Variants in PTPRG observed in about 807,000 individuals in gnomAD.
PTPRG encodes the protein protein tyrosine phosphatase receptor type G.
Under a neutral mutation model 165.3 loss-of-function variants are expected in PTPRG, and 102 were observed. The ratio of observed to expected loss-of-function variants is 0.62; its 90% CI spans 0.53 to 0.73. The LOEUF is 0.73. Among genes scored for constraint, PTPRG ranks in the 30% least tolerant of loss-of-function variants. The pLI, the probability that PTPRG is intolerant of heterozygous loss-of-function variation, is 0.00. For missense variants in PTPRG, 1,866 were observed against 1,861.4 expected, an observed-to-expected ratio of 1.00 and a Z score of -0.05; for synonymous variants, 675 against 669.5, an observed-to-expected ratio of 1.01 and a Z score of -0.13.
At chr3:61,662,609 C>T (rs142622662) in intron 1 of PTPRG, among the ~76,000 whole-genome samples, 2,955 of 152,254 alleles carry the variant, frequency 0.019, 62 homozygotes, top group South Asian at 0.079. Context: ...AGTAATAGAT[C>T]ACTAATGCAC....
At chr3:61,796,229 G>A (rs565501852) in intron 2 of PTPRG, among the ~76,000 whole-genome samples, 41 of 152,334 alleles carry the variant, frequency 2.7e-4, no homozygotes, top group African/African-American at 9.9e-4. Context: ...GGTAGGTGGT[G>A]TTAATCCATT....
At chr3:62,197,471 T>A (rs1320026359) in intron 10 of PTPRG, among the ~76,000 whole-genome samples, 1 of 152,174 alleles carries the variant, frequency 6.6e-6, no homozygotes, top group African/African-American at 2.4e-5. Context: ...CATAGCTGCA[T>A]TTTTTTCCAT....
rs922221885 is a variant in PTPRG, at chr3:62,132,677, G to A, written c.682+9G>A. 3.1e-6 allele frequency: 5 copies of A among 1,598,248 alleles called. No homozygotes were observed. In the African/African-American group the frequency reaches 6.7e-5, roughly 21 times the overall value. ...GGGTGTCGTACATCATGGTAAGTAT[G>A]CCACATACACTTCCTTTTGCTGGGA... On this transcript the variant is annotated intron_variant, in intron 6 of 29. Coordinates refer to ENST00000474889, the MANE Select transcript of PTPRG (RefSeq NM_002841.4).
chr3:61,604,345 G>C (rs1003430571), intron 1 of PTPRG, among the ~76,000 whole-genome samples: 6 of 151,936 alleles, frequency 3.9e-5, no homozygotes, highest in African/African-American at 1.4e-4. Context: ...ATAAAAAATA[G>C]AACTTTAACA....
In PTPRG at chr3:61,908,121, TAAAAAAAAAAAAAAAA is replaced by T. The variant is rs1183592777; in HGVS notation, c.191-81491_191-81476del. Among the ~76,000 whole-genome samples the T allele has an allele frequency of 8.0e-3, 535 of 67,194 alleles. 5 individuals are homozygous for T. Among genetic ancestry groups the T allele is most frequent in the African/African-American group, 0.028 (507 of 17,956 alleles). 44.1% of individuals were successfully genotyped at this position (67,194 alleles called of 152,430 possible). Reference sequence around the variant, plus strand: ...GCGACAGAACAAGACCACCTCTCTTTAAAAAAAAAAAAAAAAAAAAAAAAAAAATCGGCCGGGCTCA... The same window carrying T: ...GCGACAGAACAAGACCACCTCTCTTTAAAAAAAAAAAATCGGCCGGGCTCA... On this transcript the variant is annotated intron_variant, in intron 2 of 29. Transcript: ENST00000474889.
intron 1 of PTPRG, among the ~76,000 whole-genome samples, chr3:61,618,688 C>T (rs1701367872): frequency 6.6e-6 from 1 of 152,124 alleles, no homozygotes; most frequent in Non-Finnish European, 1.5e-5. Flanking sequence ...AGAAATTTTT[C>T]TTAAGGCCTT....
chr3:62,041,749 TGTGATGGTG>T (rs1304945083), intron 4 of PTPRG, among the ~76,000 whole-genome samples: 1 of 151,870 alleles, frequency 6.6e-6, no homozygotes, highest in East Asian at 1.9e-4. Flanking sequence ...TAATGATCAT[TGTGATGGTG>T]GTGATGGAGA....
At chr3:62,239,117 T>C (rs1423735705) in intron 14 of PTPRG, among the ~76,000 whole-genome samples, 1 of 152,208 alleles carries the variant, frequency 6.6e-6, no homozygotes, top group Admixed American at 6.5e-5. Context: ...ATTACAAACA[T>C]CTATTTCATT....
intron 29 of PTPRG, chr3:62,292,765 A>G (rs1489155374): frequency 1.7e-6 from 1 of 576,122 alleles, no homozygotes; most frequent in Non-Finnish European, 3.0e-6. Context: ...ACACAGCACA[A>G]GACAGCCCTC....
At chr3:61,682,442 G>C (rs767979069) in intron 1 of PTPRG, among the ~76,000 whole-genome samples, 1 of 152,154 alleles carries the variant, frequency 6.6e-6, no homozygotes, top group Non-Finnish European at 1.5e-5. Flanking sequence ...ATGGGTATGG[G>C]TGATGGGGAC....
chr3:61,576,285 G>T (rs1700171542), intron 1 of PTPRG, among the ~76,000 whole-genome samples: 1 of 152,276 alleles, frequency 6.6e-6, no homozygotes, highest in African/African-American at 2.4e-5. Context: ...AAGGTTCATA[G>T]CTACTCTTCA....
intron 1 of PTPRG, among the ~76,000 whole-genome samples, chr3:61,696,740 C>T (rs1388349080): frequency 1.3e-5 from 2 of 152,166 alleles, no homozygotes; most frequent in East Asian, 3.9e-4. Flanking sequence ...ATGGAGAAAT[C>T]CCTTTTCTGG....
chr3:62,168,144 GGGGACAGAAGCCTCTAAA>G lies in PTPRG; in HGVS notation c.1017_1033+1del. On this transcript the variant is annotated inframe_deletion and splice_region_variant, in exon 8 of 30. Coordinates refer to ENST00000474889, the MANE Select transcript of PTPRG (RefSeq NM_002841.4). ...TGACAGACTTCTTAGAAAACCCACTGGGGACAGAAGCCTCTAAAGGTATATTTGGCTTAAGTGCCTTGC... is the reference window on the plus strand; with the variant it reads ...TGACAGACTTCTTAGAAAACCCACTGGGTATATTTGGCTTAAGTGCCTTGC... 6.2e-7 allele frequency: 1 copy of G among 1,613,906 alleles called. No homozygotes were observed. Among genetic ancestry groups the G allele is most frequent in the Non-Finnish European group, 8.5e-7 (1 of 1,179,906 alleles).
intron 6 of PTPRG, among the ~76,000 whole-genome samples, chr3:62,152,430 C>T (rs1287974139): frequency 1.3e-5 from 2 of 152,118 alleles, no homozygotes; most frequent in African/African-American, 2.4e-5. Flanking sequence ...TTATTTCTTC[C>T]TCCCAGTGGC....
At chr3:61,822,590 A>G (rs2035986193) in intron 2 of PTPRG, among the ~76,000 whole-genome samples, 1 of 152,230 alleles carries the variant, frequency 6.6e-6, no homozygotes. Flanking sequence ...CAAGAAAAAT[A>G]AATCAAGCAT....
intron 2 of PTPRG, among the ~76,000 whole-genome samples, chr3:61,944,518 C>T (rs1238088050): frequency 6.6e-6 from 1 of 152,106 alleles, no homozygotes; most frequent in Non-Finnish European, 1.5e-5. Flanking sequence ...TTAAGTCCCT[C>T]TCAGTTTGAA....
intron 1 of PTPRG, among the ~76,000 whole-genome samples, chr3:61,590,722 G>GT (rs1252661076): frequency 2.0e-5 from 3 of 151,954 alleles, no homozygotes; most frequent in Non-Finnish European, 2.9e-5. Context: ...TGTATTGCTT[G>GT]TTTTTTTCAT....
At chr3:62,065,131 G>A (rs1346354854) in intron 4 of PTPRG, among the ~76,000 whole-genome samples, 2 of 152,034 alleles carry the variant, frequency 1.3e-5, no homozygotes, top group Admixed American at 1.3e-4. Flanking sequence ...AGGAAAATTG[G>A]TATTCTCCTG....
chr3:61,908,771 TAAAAG>T (rs941944815), intron 2 of PTPRG, among the ~76,000 whole-genome samples: 2 of 152,132 alleles, frequency 1.3e-5, no homozygotes, highest in African/African-American at 4.8e-5. Flanking sequence ...ATACTGACAT[TAAAAG>T]AAAGAACATC....
Sources: gnomAD v4.1 joint callset for allele counts (sites outside exome capture counted in the v4.1 genomes callset) on GRCh38, gnomAD v4.1.1 for gene constraint, MANE v1.5 for transcripts, NCBI Gene and HGNC (gene_info 2026-07-23, HGNC 2026-07-21) for gene names.